Variants in DOCK4 observed in about 807,000 individuals in gnomAD.
DOCK4 encodes dedicator of cytokinesis 4, also known as dedicator of cytokinesis protein 4.
Under a neutral mutation model 268.1 loss-of-function variants are expected in DOCK4, and 97 were observed. The observed-to-expected ratio is 0.36, with a 90% CI of 0.31 to 0.43. DOCK4 has a LOEUF of 0.43. Among genes scored for constraint, DOCK4 ranks in the 20% least tolerant of loss-of-function variants. DOCK4 has a pLI of 1.00. For missense variants in DOCK4, 2,145 were observed against 2,455.7 expected (o/e 0.87, Z 2.67); for synonymous variants, 954 against 887.2 (o/e 1.08, Z -1.34).
intron 1 of DOCK4, among the ~76,000 whole-genome samples, chr7:112,138,230 T>G (rs1473863754): frequency 6.6e-6 from 1 of 152,250 alleles, no homozygotes; most frequent in Non-Finnish European, 1.5e-5. Flanking sequence ...CCTTTAGTTG[T>G]GTCACCTTGA....
intron 1 of DOCK4, among the ~76,000 whole-genome samples, chr7:112,023,881 AAAAAT>A (rs767029996): frequency 2.0e-4 from 30 of 152,378 alleles, no homozygotes; most frequent in East Asian, 1.9e-3. Flanking sequence ...ATGTCATTAA[AAAAAT>A]AAAATAAAAC....
intron 25 of DOCK4, among the ~76,000 whole-genome samples, chr7:111,835,711 A>G (rs974190136): frequency 6.6e-6 from 1 of 152,202 alleles, no homozygotes; most frequent in Non-Finnish European, 1.5e-5. Context: ...TAGATTTTAC[A>G]TGGAAAGAGA....
rs554671055 is a variant in DOCK4 at position 112,062,630 on chromosome 7, A to ATATTCT, written c.38-58505_38-58500dup. Among the ~76,000 whole-genome samples the ATATTCT allele has an allele frequency of 5.5e-4, 84 of 152,296 alleles. No individual in the cohort carries two copies. In the South Asian group the frequency reaches 0.013, roughly 23 times the overall value. ...ATCCTGTCTGCATCAATAGAAGCAC[A>ATATTCT]TATTCTATGATTTCTGCTGTGTCCT... is the stretch of plus-strand genomic sequence containing the variant. On this transcript the variant is annotated intron_variant, in intron 1 of 52. Coordinates refer to ENST00000428084, the MANE Select transcript of DOCK4 (RefSeq NM_001363540.2).
intron 12 of DOCK4, among the ~76,000 whole-genome samples, chr7:111,919,752 A>G (rs1271005919): frequency 6.6e-6 from 1 of 152,210 alleles, no homozygotes; most frequent in African/African-American, 2.4e-5. Context: ...GCTTTGCCCA[A>G]ATCATCAAAT....
Position 112,068,754 on chromosome 7 carries a change from G to A in DOCK4, c.38-64623C>T, listed in dbSNP as rs1343389280. Among the ~76,000 whole-genome samples, 2 of 152,122 alleles carry A rather than the reference G, an allele frequency of 1.3e-5. 1 individual carries two copies. Among genetic ancestry groups the A allele is most frequent in the East Asian group, 3.9e-4 (2 of 5,182 alleles). ...CCTGCATCCCCAAGCACCTCTTGTA[G>A]GCTCTGTAGTTAGTGGGTATTCACA... On this transcript the variant is annotated intron_variant, in intron 1 of 52. Transcript: ENST00000428084.
chr7:111,802,936 G>C (rs1263051728), intron 30 of DOCK4, among the ~76,000 whole-genome samples: 5 of 152,030 alleles, frequency 3.3e-5, no homozygotes, highest in Non-Finnish European at 7.4e-5. Context: ...ACATACATCT[G>C]TAAGCATCTT....
chr7:112,019,354 T>C (rs1296103789), intron 1 of DOCK4, among the ~76,000 whole-genome samples: 3 of 152,212 alleles, frequency 2.0e-5, no homozygotes, highest in Non-Finnish European at 4.4e-5. Context: ...CTCCTTTTAT[T>C]AATGACTGTA....
intron 1 of DOCK4, among the ~76,000 whole-genome samples, chr7:112,203,258 A>G (rs1821101461): frequency 6.6e-6 from 1 of 152,230 alleles, no homozygotes; most frequent in South Asian, 2.1e-4. Flanking sequence ...TTTCTAAAAG[A>G]CAAGGTTCCC....
At chr7:111,782,612 T>C (rs1261168131) in intron 35 of DOCK4, among the ~76,000 whole-genome samples, 2 of 152,134 alleles carry the variant, frequency 1.3e-5, no homozygotes, top group African/African-American at 4.8e-5. Flanking sequence ...CACTCTGGGA[T>C]CCCACACGGG....
intron 13 of DOCK4, among the ~76,000 whole-genome samples, chr7:111,911,824 T>C (rs1792129144): frequency 6.6e-6 from 1 of 152,200 alleles, no homozygotes; most frequent in Admixed American, 6.5e-5. Flanking sequence ...TTTTTTAATA[T>C]ATTAGATTTG....
At chr7:111,962,417 T>C (rs1050932097) in intron 8 of DOCK4, among the ~76,000 whole-genome samples, 3 of 152,230 alleles carry the variant, frequency 2.0e-5, no homozygotes, top group Non-Finnish European at 2.9e-5. Flanking sequence ...TTATTATCTC[T>C]ACTTATCAGA....
At chr7:111,905,723 C>G (rs923577091) in intron 13 of DOCK4, among the ~76,000 whole-genome samples, 1 of 146,250 alleles carries the variant, frequency 6.8e-6, no homozygotes, top group African/African-American at 2.6e-5. Context: ...ACGTGTATTG[C>G]GTATACACAC....
chr7:111,875,362 T>C (rs946383475), intron 17 of DOCK4, among the ~76,000 whole-genome samples: 1 of 152,254 alleles, frequency 6.6e-6, no homozygotes, highest in African/African-American at 2.4e-5. Context: ...TAATTGTGTC[T>C]AACATCCTAA....
intron 12 of DOCK4, among the ~76,000 whole-genome samples, chr7:111,920,698 G>A (rs1430080192): frequency 6.6e-6 from 1 of 152,134 alleles, no homozygotes; most frequent in East Asian, 1.9e-4. Flanking sequence ...TTGAGAGGAG[G>A]GTGGAAAGTG....
chr7:112,076,195 TG>T (rs1377556798), intron 1 of DOCK4, among the ~76,000 whole-genome samples: 1 of 152,150 alleles, frequency 6.6e-6, no homozygotes, highest in Non-Finnish European at 1.5e-5. Flanking sequence ...CAGTATGTTT[TG>T]TTTTTTTACT....
chr7:111,812,089 A>C, intron 27 of DOCK4, 140 bp from the exon 28 acceptor site: 1 of 491,014 alleles, frequency 2.0e-6, no homozygotes, highest in Non-Finnish European at 3.6e-6. Context: ...CATATTTGAA[A>C]CAAAAAAGAG....
intron 52 of DOCK4, among the ~76,000 whole-genome samples, chr7:111,728,949 C>T (rs1563415685): frequency 6.6e-6 from 1 of 152,080 alleles, no homozygotes; most frequent in African/African-American, 2.4e-5. Flanking sequence ...CACAGGGAGA[C>T]GTCAGGAATG....
At chr7:112,132,455 T>A (rs1246736365) in intron 1 of DOCK4, among the ~76,000 whole-genome samples, 1 of 152,120 alleles carries the variant, frequency 6.6e-6, no homozygotes, top group African/African-American at 2.4e-5. Context: ...ACACAAAGGA[T>A]GCAATGTTAA....
chr7:111,927,714 A>T (rs1432610039), intron 12 of DOCK4, among the ~76,000 whole-genome samples: 1 of 152,200 alleles, frequency 6.6e-6, no homozygotes, highest in Non-Finnish European at 1.5e-5. Context: ...AAAGGAATCC[A>T]TGGGCTGCAA....
Sources: allele counts gnomAD v4.1 joint callset (sites outside exome capture counted in the v4.1 genomes callset), GRCh38; gene constraint gnomAD v4.1.1; transcripts MANE v1.5; gene names NCBI Gene and HGNC (gene_info 2026-07-23, HGNC 2026-07-21).